The following ZNF626 variants were observed in gnomAD, a reference collection of about 807,000 sequenced individuals.
The protein encoded by ZNF626 is zinc finger protein 626.
In ZNF626, 4 loss-of-function variants were observed where a neutral mutation model predicts 11.7. The observed-to-expected ratio is 0.34, with a 90% CI of 0.17 to 0.78. The LOEUF is 0.78. Among genes scored for constraint, ZNF626 ranks in the 30% least tolerant of loss-of-function variants. The probability of loss-of-function intolerance (pLI) is 0.57; values close to 1 mark genes in which losing one functional copy is unlikely to be tolerated. For synonymous variants in ZNF626, 179 were observed against 198.6 expected (o/e 0.90, Z 0.83); for missense variants, 588 against 587.1 (o/e 1.00, Z -0.01).
In ZNF626 at chr19:20,624,735, G is replaced by A. The variant is rs1290519422; in HGVS notation, c.1142C>T (p.Ser381Phe). ...TATCTTATGCGTAGTAAGGTCTGAA[G>A]ACCGCTTGAAGGCTTTGCCACATTC... ...CEECGKAFKR[S>F]SDLTTHKIIH... The change falls in exon 4 of 4, where the codon TCT becomes TTT. Residue 381 changes from serine to phenylalanine, a missense_variant. Ser to Phe is a radical substitution (Grantham distance 155, BLOSUM62 -2). Transcript: ENST00000601440. 30 of 1,609,756 alleles carry A rather than the reference G, an allele frequency of 1.9e-5. No individual in the cohort carries two copies. The highest frequency in any genetic ancestry group is 2.5e-5 in the Non-Finnish European group (30 of 1,178,184).
chr19:20,645,286 T>A, intron 3 of ZNF626: 1 of 1,509,596 alleles, frequency 6.6e-7, no homozygotes, highest in Non-Finnish European at 8.8e-7. Context: ...CTCTCAGACA[T>A]TTCAGATCTG....
chr19:20,646,700 A>C (rs1305973097), intron 1 of ZNF626, among the ~76,000 whole-genome samples: 5 of 152,238 alleles, frequency 3.3e-5, no homozygotes, highest in Non-Finnish European at 7.3e-5. Context: ...GTTACATTAT[A>C]CAGAATGAGT....
At chr19:20,629,283 A>G (rs1205012076) in intron 3 of ZNF626, among the ~76,000 whole-genome samples, 7 of 152,064 alleles carry the variant, frequency 4.6e-5, no homozygotes, top group Non-Finnish European at 8.8e-5. Flanking sequence ...TTGGTTTCAT[A>G]TGAACTTTAA....
rs1183189324 is a variant in ZNF626, at chr19:20,661,468, G to C, written c.-22C>G. 4 of 1,613,318 alleles carry C rather than the reference G, an allele frequency of 2.5e-6. No homozygotes were observed. The highest frequency in any genetic ancestry group is 3.4e-6 in the Non-Finnish European group (4 of 1,179,630). ...CCATTTTTGGCTTCCAGGAGGTCCC[G>C]GTGTCTTAGCTGTGGATCTCCCAAT... is the stretch of plus-strand genomic sequence containing the variant. On this transcript the variant is annotated 5_prime_UTR_variant, in exon 1 of 4. Coordinates refer to ENST00000601440, the MANE Select transcript of ZNF626 (RefSeq NM_001076675.3).
intron 3 of ZNF626, among the ~76,000 whole-genome samples, chr19:20,638,766 G>C (rs575753382): frequency 1.3e-5 from 2 of 151,766 alleles, no homozygotes; most frequent in South Asian, 4.2e-4. Context: ...ATAACATCAG[G>C]GCTCCAAAAT....
In ZNF626 at chr19:20,645,696, C is replaced by CTA; in HGVS notation, c.212_213dup (p.Ala72Ter). On this transcript the variant is annotated frameshift_variant, in exon 3 of 4. Coordinates refer to ENST00000601440, the MANE Select transcript of ZNF626 (RefSeq NM_001076675.3). LOFTEE classifies it low-confidence loss of function (END_TRUNC). Reference sequence around the variant, plus strand: ...CACTCACACCTACCTGAGGGTTTGGCTATCATCTCATTTCTCTTCATGGTC... The same window carrying CTA: ...CACTCACACCTACCTGAGGGTTTGGCTATATCATCTCATTTCTCTTCATGGTC... The CTA allele has an allele frequency of 6.2e-7, 1 of 1,611,490 alleles. No homozygotes were observed. Among genetic ancestry groups the CTA allele is most frequent in the Non-Finnish European group, 8.5e-7 (1 of 1,179,430 alleles).
At chr19:20,633,998 A>C (rs190484355) in intron 3 of ZNF626, among the ~76,000 whole-genome samples, 21 of 152,356 alleles carry the variant, frequency 1.4e-4, no homozygotes, top group Admixed American at 5.2e-4. Flanking sequence ...TACACAAGCT[A>C]CAAGTTAAGT....
chr19:20,630,381 A>G (rs1969889056), intron 3 of ZNF626, among the ~76,000 whole-genome samples: 1 of 151,536 alleles, frequency 6.6e-6, no homozygotes, highest in African/African-American at 2.4e-5. Flanking sequence ...TACCTCTGGT[A>G]GAATTCGGCT....
At chr19:20,661,359 G>A (rs1256898180) in intron 1 of ZNF626, 85 bp downstream of exon 1, 1 of 1,554,964 alleles carries the variant, frequency 6.4e-7, no homozygotes, top group Non-Finnish European at 8.9e-7. Context: ...CTGACTGCGG[G>A]GAGGCCTGAG....
chr19:20,627,518 AAAAGG>A (rs1302064733), intron 3 of ZNF626, among the ~76,000 whole-genome samples: 3 of 152,072 alleles, frequency 2.0e-5, no homozygotes, highest in Non-Finnish European at 4.4e-5. Context: ...CCACAGAAAG[AAAAGG>A]AAAGACAAAG....
chr19:20,627,458 T>C (rs782293733), intron 3 of ZNF626, among the ~76,000 whole-genome samples: 3 of 151,172 alleles, frequency 2.0e-5, no homozygotes, highest in South Asian at 2.1e-4. Context: ...AAAAGAAAAT[T>C]TAAAAAATCC....
intron 1 of ZNF626, among the ~76,000 whole-genome samples, chr19:20,651,262 G>T (rs1555772568): frequency 1.3e-5 from 2 of 150,964 alleles, no homozygotes; most frequent in Non-Finnish European, 2.9e-5. Flanking sequence ...GACATCAGAA[G>T]TCACAACAAT....
rs529366326 is a variant in ZNF626 at position 20,645,585 on chromosome 19, A to G, written c.226+99T>C. ...CTGCCCAAGAACTATTTCCTTTGGA[A>G]CACAGCTCCCCAAATCACACTTTAA... On this transcript the variant is annotated intron_variant, in intron 3 of 3. Coordinates refer to ENST00000601440, the MANE Select transcript of ZNF626 (RefSeq NM_001076675.3). 1,849 of 1,555,314 alleles carry G rather than the reference A, an allele frequency of 1.2e-3. 4 individuals carry two copies. Among genetic ancestry groups the G allele is most frequent in the Middle Eastern group, 5.5e-3 (32 of 5,814 alleles).
At chr19:20,654,717 A>C (rs1369765780) in intron 1 of ZNF626, among the ~76,000 whole-genome samples, 2 of 152,074 alleles carry the variant, frequency 1.3e-5, no homozygotes, top group African/African-American at 4.8e-5. Flanking sequence ...AAAAATCCAT[A>C]CTTCAGTTAA....
intron 3 of ZNF626, among the ~76,000 whole-genome samples, chr19:20,627,332 A>C (rs1370809841): frequency 6.8e-6 from 1 of 146,544 alleles, no homozygotes; most frequent in African/African-American, 2.6e-5. Context: ...ATGATGAAGA[A>C]TTTTTGTATT....
chr19:20,627,475 A>C (rs1192062774), intron 3 of ZNF626, among the ~76,000 whole-genome samples: 1 of 152,028 alleles, frequency 6.6e-6, no homozygotes, highest in Non-Finnish European at 1.5e-5. Context: ...ATCCTGGAAA[A>C]ATACCAATAC....
intron 1 of ZNF626, among the ~76,000 whole-genome samples, chr19:20,652,657 A>G (rs1249045494): frequency 6.6e-6 from 1 of 152,148 alleles, no homozygotes; most frequent in African/African-American, 2.4e-5. Context: ...AAGGGAGGAG[A>G]AAGACATAAT....
chr19:20,658,770 C>T (rs1317211930), intron 1 of ZNF626, among the ~76,000 whole-genome samples: 1 of 151,914 alleles, frequency 6.6e-6, no homozygotes, highest in African/African-American at 2.4e-5. Flanking sequence ...ACAGCACAGA[C>T]CCTGATCCAG....
At chr19:20,638,238 C>G (rs1969986632) in intron 3 of ZNF626, among the ~76,000 whole-genome samples, 1 of 152,064 alleles carries the variant, frequency 6.6e-6, no homozygotes, top group African/African-American at 2.4e-5. Context: ...GCCTGGCCAA[C>G]ACGGTGAAAC....
Sources: allele counts gnomAD v4.1 joint callset (sites outside exome capture counted in the v4.1 genomes callset), GRCh38; gene constraint gnomAD v4.1.1; transcripts MANE v1.5; gene names NCBI Gene and HGNC (gene_info 2026-07-23, HGNC 2026-07-21).